Variants in COX15 observed in about 807,000 individuals in gnomAD.
COX15 encodes the protein cytochrome c oxidase assembly factor COX15.
Under a neutral mutation model 51.9 loss-of-function variants are expected in COX15, and 51 were observed. The ratio of observed to expected loss-of-function variants is 0.98; its 90% CI spans 0.78 to 1.24. The LOEUF is 1.24. Among genes scored for constraint, COX15 ranks in the 50% most tolerant of loss-of-function variants. The pLI is 0.00. For synonymous variants in COX15, 188 were observed against 190.5 expected, an observed-to-expected ratio of 0.99 and a Z score of 0.11; for missense variants, 420 against 501.1, an observed-to-expected ratio of 0.84 and a Z score of 1.55.
chr10:99,729,608 G>T lies in COX15; in HGVS notation c.217C>A (p.Leu73Ile). ...KAAERVVGRW[L>I]LVCSGTVAGA... Reference sequence around the variant, plus strand: ...GCCACTGTTCCACTGCAGACCAGGAGCCATCGGCCCACCACCCGCTCAGCA... The same window carrying T: ...GCCACTGTTCCACTGCAGACCAGGATCCATCGGCCCACCACCCGCTCAGCA... Residue 73 changes from leucine to isoleucine, a missense_variant, in exon 2 of 9, where the codon CTC (leucine) becomes ATC (isoleucine). Leu to Ile is a conservative substitution (Grantham distance 5). Transcript: ENST00000016171. 1 of 1,613,944 alleles carries T rather than the reference G, an allele frequency of 6.2e-7. No individual in the cohort carries two copies.
chr10:99,719,932 G>C (rs2036705859), intron 6 of COX15, among the ~76,000 whole-genome samples: 1 of 152,164 alleles, frequency 6.6e-6, no homozygotes, highest in Non-Finnish European at 1.5e-5. Flanking sequence ...CTTTCTGTGA[G>C]AGTGGAAGTA....
intron 2 of COX15, 44 bp from the exon 3 acceptor site, chr10:99,727,607 A>G (rs1385113671): frequency 6.2e-7 from 1 of 1,607,366 alleles, no homozygotes; most frequent in East Asian, 2.2e-5. Context: ...GTGAGGCTGG[A>G]TTACTCACAA....
At chr10:99,710,546 T>C, downstream of COX15, 2 of 985,448 alleles carry the variant, frequency 2.0e-6, no homozygotes, top group Non-Finnish European at 2.4e-6. Context: ...AATAATTTTG[T>C]TGAATTTTGA....
In COX15 at chr10:99,729,459, CA is replaced by C. The variant is rs35588478; in HGVS notation, c.272+93del. On this transcript the variant is annotated intron_variant, in intron 2 of 8. Transcript: ENST00000016171. ...TGGCCAACAGAGCAAGACTCTGTCT[CA>C]AAAAAAAAAAAAAAAAAAATCCTTT... is the stretch of plus-strand genomic sequence containing the variant. The C allele has an allele frequency of 0.013, 15,599 of 1,205,198 alleles. 72 individuals are homozygous for C. Among genetic ancestry groups the C allele is most frequent in the African/African-American group, 0.057 (3,576 of 62,820 alleles). The allele number at this position is 1,205,198 out of a possible 1,614,324, so 74.7% of individuals were successfully genotyped here. A position where few individuals can be genotyped will look rare whatever the true frequency, so the allele number is the denominator to read the frequency against.
At chr10:99,729,370 G>T (rs1410421423) in intron 2 of COX15, among the ~76,000 whole-genome samples, 183 bp downstream of exon 2, 3 of 151,242 alleles carry the variant, frequency 2.0e-5, no homozygotes, top group African/African-American at 7.3e-5. Context: ...TGAGGCAGGA[G>T]AATCGCTTGA....
intron 5 of COX15, among the ~76,000 whole-genome samples, chr10:99,721,592 T>C (rs1266337344): frequency 6.6e-6 from 1 of 152,166 alleles, no homozygotes. Context: ...TACTAATAAG[T>C]GAATCATCAA....
intron 1 of COX15, among the ~76,000 whole-genome samples, chr10:99,730,396 C>A (rs889866714): frequency 3.3e-5 from 5 of 152,150 alleles, no homozygotes; most frequent in African/African-American, 4.8e-5. Context: ...CCAGCCTGGC[C>A]AAAATGGTGA....
the COX15 span, among the ~76,000 whole-genome samples, chr10:99,701,486 G>T: frequency 6.6e-6 from 1 of 151,404 alleles, no homozygotes; most frequent in Admixed American, 6.6e-5. Flanking sequence ...ACGGGGTTTC[G>T]CAATGTTGCC....
intron 5 of COX15, among the ~76,000 whole-genome samples, chr10:99,721,755 T>G (rs1439824645): frequency 1.3e-5 from 2 of 152,118 alleles, no homozygotes; most frequent in Non-Finnish European, 2.9e-5. Context: ...AGTTCTATCA[T>G]CTACCTAAGG....
At chr10:99,730,381 C>T (rs1411906586) in intron 1 of COX15, among the ~76,000 whole-genome samples, 1 of 152,110 alleles carries the variant, frequency 6.6e-6, no homozygotes, top group East Asian at 1.9e-4. Flanking sequence ...GTCAGGAATT[C>T]AAGACCAGCC....
chr10:99,724,416 G>A (rs2036879640), intron 4 of COX15, among the ~76,000 whole-genome samples: 1 of 152,076 alleles, frequency 6.6e-6, no homozygotes, highest in Non-Finnish European at 1.5e-5. Context: ...TCTTGACCTC[G>A]TGATCCGCCC....
downstream of COX15, among the ~76,000 whole-genome samples, chr10:99,708,162 C>T (rs2036288869): frequency 6.6e-6 from 1 of 152,108 alleles, no homozygotes; most frequent in East Asian, 1.9e-4. Flanking sequence ...GTATCCTGCC[C>T]CACCCCCTCC....
rs2036425730 is a variant in COX15 at position 99,712,435 on chromosome 10, T to A, written c.*2152A>T. Reference sequence around the variant, plus strand: ...AAAATCTAGATATGTGGCTTATTTTTAAAAAACAGAAGATTTGCTGACTTA... The same window carrying A: ...AAAATCTAGATATGTGGCTTATTTTAAAAAAACAGAAGATTTGCTGACTTA... On this transcript the variant is annotated 3_prime_UTR_variant, in exon 9 of 9. Transcript: ENST00000016171. 1 of 985,254 alleles carries A rather than the reference T, an allele frequency of 1.0e-6. No individual in the cohort carries two copies. The highest frequency in any genetic ancestry group is 1.2e-6 in the Non-Finnish European group (1 of 829,890). The allele number at this position is 985,254 out of a possible 1,614,324, so 61.0% of individuals were successfully genotyped here. A position where few individuals can be genotyped will look rare whatever the true frequency, so the allele number is the denominator to read the frequency against.
rs1390013110 is a variant in COX15 at position 99,724,028 on chromosome 10, G to A, written c.678C>T (p.His226=). Residue 226 remains histidine (H), a synonymous_variant, in exon 5 of 9, where the codon CAC becomes CAT. Transcript: ENST00000016171. ...AATAAAGAACCAGGGCTGATCCCAG[G>A]TGGGCAGCAAGGCGGTACTGACTGA... ...PRVSQYRLAA[H]LGSALVLYCA... The A allele has an allele frequency of 6.2e-7, 1 of 1,614,038 alleles. No individual in the cohort carries two copies. The highest frequency in any genetic ancestry group is 8.5e-7 in the Non-Finnish European group (1 of 1,180,036).
At chr10:99,725,153 G>A (rs1459551803) in intron 4 of COX15, among the ~76,000 whole-genome samples, 1 of 152,198 alleles carries the variant, frequency 6.6e-6, no homozygotes, top group Non-Finnish European at 1.5e-5. Flanking sequence ...CCAATCATAT[G>A]AAATAAGACA....
chr10:99,696,262 C>T, the COX15 span: 5,906 of 964,492 alleles, frequency 6.1e-3, 29 homozygotes, highest in Middle Eastern at 0.015. Flanking sequence ...GGGGTAGCAT[C>T]TCTTAAAGAC....
intron 4 of COX15, 62 bp downstream of exon 4, chr10:99,726,906 A>AG: frequency 6.7e-7 from 1 of 1,482,074 alleles, no homozygotes; most frequent in Non-Finnish European, 9.2e-7. Flanking sequence ...AAAAAAAAAA[A>AG]CAATGCCAAC....
the COX15 span, chr10:99,696,209 A>AT: frequency 2.0e-6 from 3 of 1,476,988 alleles, no homozygotes; most frequent in Non-Finnish European, 2.8e-6. Context: ...CCTAAGACAG[A>AT]TAAGTCCCTG....
At chr10:99,716,065 C>A (rs572151027) in intron 8 of COX15, among the ~76,000 whole-genome samples, 1 of 149,280 alleles carries the variant, frequency 6.7e-6, no homozygotes, top group Non-Finnish European at 1.5e-5. Context: ...GATCTTGACT[C>A]ACTGCAGCCT....
Sources: gnomAD v4.1 joint callset for allele counts (sites outside exome capture counted in the v4.1 genomes callset) on GRCh38, gnomAD v4.1.1 for gene constraint, MANE v1.5 for transcripts, NCBI Gene and HGNC (gene_info 2026-07-23, HGNC 2026-07-21) for gene names.